GRHL2: variants seen among roughly 807,000 people sequenced by gnomAD.
GRHL2 encodes grainyhead like transcription factor 2, also known as grainyhead-like protein 2 homolog.
GRHL2 carries 21 observed loss-of-function variants against 83.8 expected under a neutral mutation model. That is an observed-to-expected ratio of 0.25 (90% CI 0.18 to 0.36). The LOEUF is 0.36. Among genes scored for constraint, GRHL2 ranks in the 10% least tolerant of loss-of-function variants. GRHL2 has a pLI of 1.00. For synonymous variants in GRHL2, 280 were observed against 278.9 expected, an observed-to-expected ratio of 1.00 and a Z score of -0.04; for missense variants, 623 against 781.8, an observed-to-expected ratio of 0.80 and a Z score of 2.42.
At position 101,550,999 on chromosome 8, in the gene GRHL2, A is replaced by G. The variant is rs79826183; in HGVS notation, c.217-1716A>G. On this transcript the variant is annotated intron_variant, in intron 2 of 15. Coordinates refer to ENST00000646743, the MANE Select transcript of GRHL2 (RefSeq NM_024915.4). Reference sequence around the variant, plus strand: ...TGGCCATGTCCCATTTTGTTTTTCCATTCATCTGCTGTTGGACATTTGGGT... The same window carrying G: ...TGGCCATGTCCCATTTTGTTTTTCCGTTCATCTGCTGTTGGACATTTGGGT... Among the ~76,000 whole-genome samples the G allele has an allele frequency of 7.3e-3, 1,116 of 152,192 alleles. 13 individuals carry two copies. Among genetic ancestry groups the G allele is most frequent in the South Asian group, 0.038 (185 of 4,812 alleles).
chr8:101,588,516 A>G (rs898577055), intron 7 of GRHL2, among the ~76,000 whole-genome samples: 11 of 152,166 alleles, frequency 7.2e-5, no homozygotes, highest in African/African-American at 1.7e-4. Flanking sequence ...TAACACAGGT[A>G]AGAGGTTTAC....
At position 101,646,410 on chromosome 8, in the gene GRHL2, AT is replaced by A. The variant is rs375888595; in HGVS notation, c.1612+2187del. ...ACCAGCACAAAAATTGCCTCTAGAA[AT>A]TGTACTGGGCTGTGGCCTTTGAAAC... is the stretch of plus-strand genomic sequence containing the variant. On this transcript the variant is annotated intron_variant, in intron 13 of 15. Coordinates refer to ENST00000646743, the MANE Select transcript of GRHL2 (RefSeq NM_024915.4). Among the ~76,000 whole-genome samples, 84 of 152,302 alleles carry A rather than the reference AT, an allele frequency of 5.5e-4. 2 individuals are homozygous for A. The East Asian group carries it at 0.015, about 27-fold the overall frequency.
intron 9 of GRHL2, among the ~76,000 whole-genome samples, chr8:101,623,691 G>A (rs1277731016): frequency 6.6e-6 from 1 of 152,012 alleles, no homozygotes; most frequent in Non-Finnish European, 1.5e-5. Context: ...ACAGTACACA[G>A]TAGGACAGAA....
chr8:101,612,512 GATAGATAGATACATACATAC>G lies in GRHL2; in HGVS notation c.1099-7023_1099-7004del, dbSNP rs1178060484. Among the ~76,000 whole-genome samples, 313 of 121,626 alleles carry G rather than the reference GATAGATAGATACATACATAC, an allele frequency of 2.6e-3. 12 individuals carry two copies. Among genetic ancestry groups the G allele is most frequent in the African/African-American group, 8.2e-3 (245 of 29,802 alleles). The allele number at this position is 121,626 out of a possible 152,430, so 79.8% of individuals were successfully genotyped here. A position where few individuals can be genotyped will look rare whatever the true frequency, so the allele number is the denominator to read the frequency against. On this transcript the variant is annotated intron_variant, in intron 8 of 15. Transcript: ENST00000646743. ...AGATAGATAGATAGATAGATAGATA[GATAGATAGATACATACATAC>G]ATACATACATACATACATACATAGA...
chr8:101,578,500 A>G (rs1377289867), intron 7 of GRHL2, among the ~76,000 whole-genome samples: 1 of 152,252 alleles, frequency 6.6e-6, no homozygotes, highest in Admixed American at 6.5e-5. Flanking sequence ...TGAGATGCAG[A>G]GCAAAGTAGG....
chr8:101,679,570 G>A, the GRHL2 span, among the ~76,000 whole-genome samples: 1 of 150,288 alleles, frequency 6.7e-6, no homozygotes, highest in Non-Finnish European at 1.5e-5. Context: ...AGGAAATACA[G>A]AGAACGTCAC....
intron 1 of GRHL2, among the ~76,000 whole-genome samples, chr8:101,521,196 A>C (rs1346315307): frequency 6.6e-6 from 1 of 152,172 alleles, no homozygotes; most frequent in Admixed American, 6.5e-5. Context: ...GCTGCTGTGC[A>C]GTCTAAAGAA....
chr8:101,615,899 G>A (rs890921779), intron 8 of GRHL2, among the ~76,000 whole-genome samples: 62 of 152,086 alleles, frequency 4.1e-4, no homozygotes, highest in African/African-American at 1.5e-3. Context: ...AAAATTCTCT[G>A]CCATTAGGGC....
chr8:101,623,902 A>G (rs1460634258), intron 9 of GRHL2, among the ~76,000 whole-genome samples: 1 of 149,146 alleles, frequency 6.7e-6, no homozygotes, highest in East Asian at 2.0e-4. Flanking sequence ...TACACAGTAC[A>G]CAGTAGGACA....
intron 1 of GRHL2, among the ~76,000 whole-genome samples, chr8:101,511,902 C>A (rs1183498200): frequency 2.6e-5 from 4 of 152,080 alleles, no homozygotes; most frequent in Non-Finnish European, 4.4e-5. Flanking sequence ...TCTAGATGGC[C>A]AAACTATTCT....
At position 101,558,109 on chromosome 8, in the gene GRHL2, T is replaced by C. The variant is rs142730078; in HGVS notation, c.285-310T>C. On this transcript the variant is annotated intron_variant, in intron 3 of 15. Coordinates refer to ENST00000646743, the MANE Select transcript of GRHL2 (RefSeq NM_024915.4). Reference sequence around the variant, plus strand: ...TCTTGAACTGACCTCAGGTGATCCATCCGCCTTGGCCTCCCAAAGTACTGG... The same window carrying C: ...TCTTGAACTGACCTCAGGTGATCCACCCGCCTTGGCCTCCCAAAGTACTGG... Among the ~76,000 whole-genome samples, 677 of 152,098 alleles carry C rather than the reference T, an allele frequency of 4.5e-3. 39 individuals are homozygous for C. The East Asian group carries it at 0.11, about 25-fold the overall frequency.
intron 1 of GRHL2, among the ~76,000 whole-genome samples, chr8:101,508,908 C>T (rs1191975268): frequency 2.6e-5 from 4 of 152,096 alleles, no homozygotes. Context: ...AAAGCAATTG[C>T]ACATTTACCT....
At position 101,667,413 on chromosome 8, in the gene GRHL2, G is replaced by T; in HGVS notation, c.*710G>T. Reference sequence around the variant, plus strand: ...GCATGTTTACTGCCACTGGCCTAGAGGAGACACAGACCTGGAGACCGTTTT... The same window carrying T: ...GCATGTTTACTGCCACTGGCCTAGATGAGACACAGACCTGGAGACCGTTTT... On this transcript the variant is annotated 3_prime_UTR_variant, in exon 16 of 16. Coordinates refer to ENST00000646743, the MANE Select transcript of GRHL2 (RefSeq NM_024915.4). 1 of 154,058 alleles carries T rather than the reference G, an allele frequency of 6.5e-6. No individual in the cohort carries two copies. 9.5% of individuals were successfully genotyped at this position (154,058 alleles called of 1,614,324 possible). A position where few individuals can be genotyped will look rare whatever the true frequency, so the allele number is the denominator to read the frequency against.
Position 101,494,741 on chromosome 8 carries a change from A to C in GRHL2, c.20+1952A>C, listed in dbSNP as rs558266033. ...GTCTTTATTTTCACCAGTTATACTT[A>C]GCAGCAATAAGAACAATGTGTTTAC... On this transcript the variant is annotated intron_variant, in intron 1 of 15. Transcript: ENST00000646743. Among the ~76,000 whole-genome samples the C allele has an allele frequency of 3.3e-5, 5 of 152,350 alleles. No homozygotes were observed. The East Asian group carries it at 9.6e-4, about 29-fold the overall frequency.
At chr8:101,521,069 A>G (rs1241014044) in intron 1 of GRHL2, among the ~76,000 whole-genome samples, 1 of 152,210 alleles carries the variant, frequency 6.6e-6, no homozygotes, top group Non-Finnish European at 1.5e-5. Context: ...TAGGGGAACC[A>G]CCTGTGAGAA....
intron 1 of GRHL2, among the ~76,000 whole-genome samples, chr8:101,542,588 A>G (rs1054383857): frequency 3.3e-5 from 5 of 152,028 alleles, no homozygotes; most frequent in Non-Finnish European, 7.4e-5. Flanking sequence ...AAATAAAATT[A>G]CTTGGCCCCT....
intron 14 of GRHL2, among the ~76,000 whole-genome samples, chr8:101,660,291 A>G (rs1024263068): frequency 3.9e-5 from 6 of 152,204 alleles, no homozygotes; most frequent in African/African-American, 1.4e-4. Flanking sequence ...ATATCCATAT[A>G]TCATATCATT....
chr8:101,655,116 AGGTT>A (rs1813756934), intron 14 of GRHL2, among the ~76,000 whole-genome samples: 1 of 151,838 alleles, frequency 6.6e-6, no homozygotes, highest in Non-Finnish European at 1.5e-5. Flanking sequence ...TGGGAGGCGG[AGGTT>A]GCGGTGAGCC....
intron 1 of GRHL2, among the ~76,000 whole-genome samples, chr8:101,514,999 C>T (rs1401431528): frequency 6.8e-6 from 1 of 146,390 alleles, no homozygotes; most frequent in Non-Finnish European, 1.5e-5. Context: ...TTTCCTGCTT[C>T]CTCCCTTCCT....
Sources: allele counts gnomAD v4.1 joint callset (sites outside exome capture counted in the v4.1 genomes callset), GRCh38; gene constraint gnomAD v4.1.1; transcripts MANE v1.5; gene names NCBI Gene and HGNC (gene_info 2026-07-23, HGNC 2026-07-21).